GRID2: variants seen among roughly 807,000 people sequenced by gnomAD.
The protein encoded by GRID2 is glutamate ionotropic receptor delta type subunit 2, also known as glutamate receptor ionotropic, delta-2.
Under a neutral mutation model 114.8 loss-of-function variants are expected in GRID2, and 33 were observed. The observed-to-expected ratio is 0.29, with a 90% CI of 0.22 to 0.38. GRID2 has a LOEUF of 0.38. Ranked by LOEUF, GRID2 falls within the 10% of genes least tolerant of loss-of-function variation. GRID2 has a pLI of 1.00. For missense variants in GRID2, 1,184 were observed against 1,257.7 expected (o/e 0.94, Z 0.89); for synonymous variants, 505 against 449.9 (o/e 1.12, Z -1.55).
chr4:93,415,067 C>G (rs1219474060), intron 9 of GRID2, among the ~76,000 whole-genome samples: 1 of 151,982 alleles, frequency 6.6e-6, no homozygotes, highest in African/African-American at 2.4e-5. Context: ...ATTAACATTA[C>G]TACTTCTTAT....
intron 2 of GRID2, among the ~76,000 whole-genome samples, chr4:92,741,303 A>G (rs1736883589): frequency 6.6e-6 from 1 of 152,158 alleles, no homozygotes; most frequent in African/African-American, 2.4e-5. Flanking sequence ...GTCACATTGC[A>G]CCATATAAGA....
intron 2 of GRID2, among the ~76,000 whole-genome samples, chr4:92,831,129 T>C (rs968425036): frequency 5.3e-5 from 8 of 152,168 alleles, no homozygotes; most frequent in Non-Finnish European, 1.2e-4. Context: ...TTCTAGGATT[T>C]TTTCCCACTC....
chr4:93,084,632 C>A (rs1730170033), intron 2 of GRID2, among the ~76,000 whole-genome samples: 1 of 152,064 alleles, frequency 6.6e-6, no homozygotes, highest in Admixed American at 6.5e-5. Context: ...TTGATAATTA[C>A]AAAAGTTTAT....
At chr4:92,672,576 G>C (rs1021495714) in intron 2 of GRID2, among the ~76,000 whole-genome samples, 1 of 152,054 alleles carries the variant, frequency 6.6e-6, no homozygotes, top group African/African-American at 2.4e-5. Flanking sequence ...AACTTAATAA[G>C]AGTGTTTGCT....
chr4:92,488,281 A>T (rs900252155), intron 1 of GRID2, among the ~76,000 whole-genome samples: 20 of 152,186 alleles, frequency 1.3e-4, no homozygotes, highest in Non-Finnish European at 2.4e-4. Flanking sequence ...TAATCTACAA[A>T]ATTATAACTA....
At chr4:93,766,343 G>A (rs915725494) in intron 14 of GRID2, among the ~76,000 whole-genome samples, 2 of 152,184 alleles carry the variant, frequency 1.3e-5, no homozygotes, top group Middle Eastern at 3.2e-3. Flanking sequence ...TCTTCACAAG[G>A]CAGCGGGAGA....
intron 14 of GRID2, among the ~76,000 whole-genome samples, chr4:93,638,430 G>A (rs1721629025): frequency 2.4e-5 from 1 of 41,666 alleles, no homozygotes; most frequent in Non-Finnish European, 4.4e-5. Context: ...CTAGCATTAG[G>A]TATATCTCCC....
intron 1 of GRID2, among the ~76,000 whole-genome samples, chr4:92,578,131 A>C (rs1727996113): frequency 7.3e-6 from 1 of 136,986 alleles, no homozygotes; most frequent in Non-Finnish European, 1.5e-5. Flanking sequence ...TATTATTATT[A>C]TTACACTTTA....
chr4:92,744,179 G>A (rs1243608155), intron 2 of GRID2, among the ~76,000 whole-genome samples: 3 of 152,122 alleles, frequency 2.0e-5, no homozygotes, highest in African/African-American at 7.2e-5. Flanking sequence ...AAAATGAAAA[G>A]GAGATAATAA....
At chr4:93,005,393 T>C (rs1721410441) in intron 2 of GRID2, among the ~76,000 whole-genome samples, 1 of 152,074 alleles carries the variant, frequency 6.6e-6, no homozygotes, top group Non-Finnish European at 1.5e-5. Context: ...GCTACTGTCC[T>C]AGTCCACATC....
intron 4 of GRID2, among the ~76,000 whole-genome samples, chr4:93,162,652 C>T (rs1007265125): frequency 1.3e-5 from 2 of 151,952 alleles, no homozygotes; most frequent in Non-Finnish European, 2.9e-5. Context: ...AACCTGGAAT[C>T]ATTTTTGTCT....
At chr4:93,269,023 A>T (rs1268047533) in intron 8 of GRID2, among the ~76,000 whole-genome samples, 1 of 152,166 alleles carries the variant, frequency 6.6e-6, no homozygotes, top group African/African-American at 2.4e-5. Context: ...TCCTGAAACC[A>T]TATGTCTTAC....
chr4:92,647,833 G>T (rs901060144), intron 2 of GRID2, among the ~76,000 whole-genome samples: 1 of 149,386 alleles, frequency 6.7e-6, no homozygotes, highest in Non-Finnish European at 1.5e-5. Flanking sequence ...TTTCACTCTG[G>T]AACCAATAAT....
At chr4:93,216,045 T>C (rs1370595588) in intron 5 of GRID2, among the ~76,000 whole-genome samples, 1 of 152,128 alleles carries the variant, frequency 6.6e-6, no homozygotes, top group South Asian at 2.1e-4. Flanking sequence ...AGATAAAATT[T>C]GTTTAGATAA....
intron 1 of GRID2, among the ~76,000 whole-genome samples, chr4:92,378,021 G>A (rs568366491): frequency 1.3e-5 from 2 of 151,604 alleles, no homozygotes; most frequent in African/African-American, 4.9e-5. Flanking sequence ...GATATCTAAA[G>A]TACAGCAAAA....
intron 1 of GRID2, among the ~76,000 whole-genome samples, chr4:92,491,108 G>A (rs1723126488): frequency 6.6e-6 from 1 of 151,916 alleles, no homozygotes; most frequent in Admixed American, 6.6e-5. Flanking sequence ...CTGCATTCCA[G>A]CCACCTGGCA....
intron 1 of GRID2, among the ~76,000 whole-genome samples, chr4:92,505,216 A>G (rs1723898328): frequency 6.6e-6 from 1 of 151,996 alleles, no homozygotes; most frequent in South Asian, 2.1e-4. Context: ...CTCTTGGAGC[A>G]ATCATAATGT....
At chr4:92,445,850 T>C (rs772930328) in intron 1 of GRID2, among the ~76,000 whole-genome samples, 10 of 152,272 alleles carry the variant, frequency 6.6e-5, no homozygotes, top group Admixed American at 3.9e-4. Context: ...CTGCTATTGT[T>C]AATCATTTCC....
intron 8 of GRID2, among the ~76,000 whole-genome samples, chr4:93,351,806 C>G (rs1007987047): frequency 2.6e-5 from 4 of 151,990 alleles, no homozygotes; most frequent in Non-Finnish European, 5.9e-5. Flanking sequence ...AGGATTAGAG[C>G]CAGATTTTAA....
Sources: allele counts gnomAD v4.1 joint callset (sites outside exome capture counted in the v4.1 genomes callset), GRCh38; gene constraint gnomAD v4.1.1; transcripts MANE v1.5; gene names NCBI Gene and HGNC (gene_info 2026-07-23, HGNC 2026-07-21).